Variants in PRIM2 observed in about 807,000 individuals in gnomAD.
PRIM2 encodes the protein DNA primase subunit 2.
PRIM2 carries 39 observed loss-of-function variants against 67.3 expected under a neutral mutation model. That is an observed-to-expected ratio of 0.58 (90% confidence interval 0.45 to 0.76). PRIM2 has a LOEUF of 0.76. Ranked by LOEUF, PRIM2 falls within the 30% of genes least tolerant of loss-of-function variation. The pLI, the probability that PRIM2 is intolerant of heterozygous loss-of-function variation, is 0.00. For synonymous variants in PRIM2, 143 were observed against 198.7 expected, an observed-to-expected ratio of 0.72 and a Z score of 2.36; for missense variants, 398 against 598.7, an observed-to-expected ratio of 0.66 and a Z score of 3.50.
chr6:57,479,883 G>A (rs1256133029), intron 7 of PRIM2, among the ~76,000 whole-genome samples: 4 of 152,220 alleles, frequency 2.6e-5, no homozygotes, highest in Non-Finnish European at 4.4e-5. Context: ...GGAAGCTAAA[G>A]CAACTAACTA....
chr6:57,468,496 A>T (rs1367315227), intron 7 of PRIM2, among the ~76,000 whole-genome samples: 1 of 152,176 alleles, frequency 6.6e-6, no homozygotes, highest in Admixed American at 6.5e-5. Flanking sequence ...ATTGTGCTGT[A>T]TAAGGTTTTT....
At chr6:57,476,547 AAT>A (rs1491381682) in intron 7 of PRIM2, among the ~76,000 whole-genome samples, 1 of 152,166 alleles carries the variant, frequency 6.6e-6, no homozygotes, top group Non-Finnish European at 1.5e-5. Context: ...CCTATTTATT[AAT>A]GTTATATAAT....
At chr6:57,342,547 T>A (rs1360306575) in intron 5 of PRIM2, among the ~76,000 whole-genome samples, 7 of 152,228 alleles carry the variant, frequency 4.6e-5, no homozygotes, top group Non-Finnish European at 8.8e-5. Context: ...ACTTGGATGC[T>A]TTTTAAAACC....
intron 10 of PRIM2, among the ~76,000 whole-genome samples, chr6:57,574,706 T>C (rs1398971101): frequency 4.6e-5 from 7 of 150,962 alleles, no homozygotes; most frequent in Admixed American, 4.0e-4. Flanking sequence ...AAGGACCAAC[T>C]TCAGGATCTT....
At chr6:57,227,752 A>G in the PRIM2 span, among the ~76,000 whole-genome samples, 1 of 152,334 alleles carries the variant, frequency 6.6e-6, no homozygotes, top group Admixed American at 6.5e-5. Context: ...TAAAGTAGGT[A>G]AAGGTCACAT....
At chr6:57,504,577 T>C (rs1774215369) in intron 7 of PRIM2, among the ~76,000 whole-genome samples, 1 of 151,852 alleles carries the variant, frequency 6.6e-6, no homozygotes, top group South Asian at 2.1e-4. Flanking sequence ...CTATGATGGT[T>C]CCCATGAAAT....
chr6:57,601,146 G>A lies in PRIM2; in HGVS notation c.1074G>A (p.Lys358=). The A allele has an allele frequency of 6.2e-7, 1 of 1,612,902 alleles. No individual in the cohort carries two copies. Among genetic ancestry groups the A allele is most frequent in the African/African-American group, 1.3e-5 (1 of 75,016 alleles). Reference sequence around the variant, plus strand: ...GTCACAGCTTTGGAAAGGAAGGCAAGAGGACAGACTATACACCTTTCAGTT... The same window carrying A: ...GTCACAGCTTTGGAAAGGAAGGCAAAAGGACAGACTATACACCTTTCAGTT... The part of the protein sequence containing the change: ...NIRHSFGKEG[K]RTDYTPFSCL... Residue 358 remains lysine (K), a synonymous_variant, in exon 11 of 14, where the codon AAG becomes AAA. Coordinates refer to ENST00000615550, the MANE Select transcript of PRIM2 (RefSeq NM_000947.5).
intron 13 of PRIM2, among the ~76,000 whole-genome samples, chr6:57,639,847 C>G (rs1486611313): frequency 6.6e-6 from 1 of 151,248 alleles, no homozygotes; most frequent in Non-Finnish European, 1.5e-5. Context: ...CTATTCTAAA[C>G]AACAGAAAAA....
At chr6:57,525,267 A>C (rs1774724299) in intron 8 of PRIM2, among the ~76,000 whole-genome samples, 1 of 152,200 alleles carries the variant, frequency 6.6e-6, no homozygotes, top group African/African-American at 2.4e-5. Context: ...CCCCTTCAAC[A>C]ACCTTAATAA....
At chr6:57,587,014 T>C (rs1430890755) in intron 10 of PRIM2, 1 of 152,160 alleles carries the variant, frequency 6.6e-6, no homozygotes. Flanking sequence ...AAATGATGAA[T>C]AGTAGAAGCT....
intron 7 of PRIM2, among the ~76,000 whole-genome samples, chr6:57,461,738 T>G (rs1773009378): frequency 6.6e-6 from 1 of 152,230 alleles, no homozygotes; most frequent in Non-Finnish European, 1.5e-5. Flanking sequence ...AAATACTTCT[T>G]CCCAGAATCG....
intron 7 of PRIM2, among the ~76,000 whole-genome samples, chr6:57,419,770 AT>A (rs1227680153): frequency 2.6e-5 from 4 of 151,642 alleles, no homozygotes; most frequent in African/African-American, 4.8e-5. Flanking sequence ...ACATTTGGGA[AT>A]TTTTTTTTAA....
chr6:57,575,113 C>T (rs1230457585), intron 10 of PRIM2, among the ~76,000 whole-genome samples: 1 of 152,154 alleles, frequency 6.6e-6, no homozygotes, highest in Non-Finnish European at 1.5e-5. Flanking sequence ...GCTCCTCAAA[C>T]ATAACATGGC....
intron 10 of PRIM2, among the ~76,000 whole-genome samples, chr6:57,588,127 G>T (rs1253637408): frequency 1.3e-5 from 2 of 152,116 alleles, no homozygotes; most frequent in Non-Finnish European, 2.9e-5. Context: ...ACCATTAGGG[G>T]ACATAGACAT....
chr6:57,413,131 T>C (rs1401596517), intron 7 of PRIM2, among the ~76,000 whole-genome samples: 2 of 151,312 alleles, frequency 1.3e-5, no homozygotes, highest in South Asian at 2.1e-4. Flanking sequence ...AACTATGATA[T>C]TGATCCACTC....
intron 7 of PRIM2, among the ~76,000 whole-genome samples, chr6:57,442,530 T>A (rs1772233289): frequency 6.6e-6 from 1 of 151,800 alleles, no homozygotes; most frequent in Non-Finnish European, 1.5e-5. Flanking sequence ...TCAGGAAGCA[T>A]TTTTTTTCTC....
chr6:57,255,390 C>T, the PRIM2 span, among the ~76,000 whole-genome samples: 13 of 151,232 alleles, frequency 8.6e-5, no homozygotes, highest in African/African-American at 2.7e-4. Flanking sequence ...CCCAGCTACT[C>T]GGGAGGCTGA....
At chr6:57,534,134 G>A (rs1195052596) in intron 9 of PRIM2, among the ~76,000 whole-genome samples, 1 of 151,932 alleles carries the variant, frequency 6.6e-6, no homozygotes, top group Non-Finnish European at 1.5e-5. Context: ...TGCTGTTTCC[G>A]CTGTGGGCCT....
chr6:57,465,956 T>G (rs1773174064), intron 7 of PRIM2, among the ~76,000 whole-genome samples: 1 of 152,160 alleles, frequency 6.6e-6, no homozygotes, highest in African/African-American at 2.4e-5. Flanking sequence ...TTTCTTCTAA[T>G]GCTATCCCTC....
Sources: allele counts gnomAD v4.1 joint callset (sites outside exome capture counted in the v4.1 genomes callset), GRCh38; gene constraint gnomAD v4.1.1; transcripts MANE v1.5; gene names NCBI Gene and HGNC (gene_info 2026-07-23, HGNC 2026-07-21).